Variants in NUFIP2 observed in about 807,000 individuals in gnomAD.
NUFIP2 encodes the protein nuclear FMR1 interacting protein 2, also known as FMR1-interacting protein NUFIP2.
Under a neutral mutation model 56.9 loss-of-function variants are expected in NUFIP2, and 6 were observed. That is an observed-to-expected ratio of 0.11 (90% CI 0.06 to 0.21). The LOEUF (loss-of-function observed/expected upper bound fraction) is 0.21. Ranked by LOEUF, NUFIP2 falls within the 10% of genes least tolerant of loss-of-function variation. The pLI is 1.00. For missense variants in NUFIP2, 828 were observed against 826.8 expected, an observed-to-expected ratio of 1.00 and a Z score of -0.02; for synonymous variants, 321 against 298.2, an observed-to-expected ratio of 1.08 and a Z score of -0.79.
At chr17:29,293,041 G>A (rs1306664901) in intron 1 of NUFIP2, among the ~76,000 whole-genome samples, 1 of 151,644 alleles carries the variant, frequency 6.6e-6, no homozygotes, top group Non-Finnish European at 1.5e-5. Context: ...GTCGGTGACA[G>A]GAATCGGCTT....
chr17:29,272,766 G>GA (rs2069082961), intron 2 of NUFIP2, among the ~76,000 whole-genome samples: 1 of 151,616 alleles, frequency 6.6e-6, no homozygotes, highest in South Asian at 2.1e-4. Flanking sequence ...TGTCAGTACT[G>GA]AAAAATTTTG....
intron 3 of NUFIP2, among the ~76,000 whole-genome samples, chr17:29,265,707 T>C (rs1172770036): frequency 3.8e-5 from 4 of 106,216 alleles, no homozygotes; most frequent in Non-Finnish European, 7.1e-5. Context: ...CAAGTATACA[T>C]GCTTAAAAAA....
In NUFIP2 at chr17:29,262,373, T is replaced by C. The variant is rs187530036; in HGVS notation, c.*2166A>G. 3.0e-3 allele frequency: 456 copies of C among 151,584 alleles called. 1 individual carries two copies. The highest frequency in any genetic ancestry group is 0.011 in the African/African-American group (447 of 41,084). The allele number at this position is 151,584 out of a possible 1,614,324, so 9.4% of individuals were successfully genotyped here. The stretch of plus-strand genomic sequence containing the variant: ...CCCTTTAATCAACCTTATATGTCTT[T>C]TTTTTTAACTTTTTGAAAATTTTTA... On this transcript the variant is annotated 3_prime_UTR_variant, in exon 4 of 4. Coordinates refer to ENST00000225388, the MANE Select transcript of NUFIP2 (RefSeq NM_020772.3).
chr17:29,285,973 T>C lies in NUFIP2; in HGVS notation c.2002+19A>G, dbSNP rs369419555. ...AAATTGGCCAATAAAAATCTTTGTA[T>C]AGGAAACAAATGAGTTACCTTTAGT... On this transcript the variant is annotated intron_variant, in intron 2 of 3. Coordinates refer to ENST00000225388, the MANE Select transcript of NUFIP2 (RefSeq NM_020772.3). 6 of 1,564,868 alleles carry C rather than the reference T, an allele frequency of 3.8e-6. No homozygotes were observed. The South Asian group carries it at 7.0e-5, about 18-fold the overall frequency.
rs2153010513 is a variant in NUFIP2, at chr17:29,263,303, A to C, written c.*1236T>G. The C allele has an allele frequency of 6.5e-6, 1 of 152,732 alleles. No individual in the cohort carries two copies. The allele number at this position is 152,732 out of a possible 1,614,324, so 9.5% of individuals were successfully genotyped here. A position where few individuals can be genotyped will look rare whatever the true frequency, so the allele number is the denominator to read the frequency against. On this transcript the variant is annotated 3_prime_UTR_variant, in exon 4 of 4. Transcript: ENST00000225388. ...GCTAATGCTCTTCTCTGCCCCAAAG[A>C]AAATTTCCAGAATTTCACATTATTT...
rs1323876786 is a variant in NUFIP2, at chr17:29,281,764, C to G, written c.2002+4228G>C. 2.0e-5 allele frequency among the ~76,000 whole-genome samples: 3 copies of G among 149,982 alleles called. No individual in the cohort carries two copies. In the South Asian group the frequency reaches 6.3e-4, roughly 31 times the overall value. ...TTAGAATCCACACAAATCCCGCCAC[C>G]CCCCACCCTTTTTTTTTTTAGAAGG... is the stretch of plus-strand genomic sequence containing the variant. On this transcript the variant is annotated intron_variant, in intron 2 of 3. Transcript: ENST00000225388.
chr17:29,284,123 T>C (rs1334636671), intron 2 of NUFIP2, among the ~76,000 whole-genome samples: 1 of 152,124 alleles, frequency 6.6e-6, no homozygotes, highest in African/African-American at 2.4e-5. Flanking sequence ...CACAATCTGG[T>C]ATGGTCCCCT....
At chr17:29,265,636 A>ATATAT (rs1028674517) in intron 3 of NUFIP2, among the ~76,000 whole-genome samples, 84 of 146,156 alleles carry the variant, frequency 5.7e-4, no homozygotes, top group African/African-American at 1.9e-3. Context: ...ATTTTATTAT[A>ATATAT]TATATTATAT....
chr17:29,284,569 G>C (rs536188116), intron 2 of NUFIP2, among the ~76,000 whole-genome samples: 1 of 151,782 alleles, frequency 6.6e-6, no homozygotes, highest in Non-Finnish European at 1.5e-5. Flanking sequence ...AGCCAGGCGT[G>C]GTGGTGGGCA....
intron 2 of NUFIP2, among the ~76,000 whole-genome samples, chr17:29,275,321 G>A (rs1275221511): frequency 6.6e-6 from 1 of 152,092 alleles, no homozygotes; most frequent in Non-Finnish European, 1.5e-5. Context: ...ACCATACCTG[G>A]CCTCTGAAGA....
In NUFIP2 at chr17:29,260,743, A is replaced by G. The variant is rs2068997737; in HGVS notation, c.*3796T>C. Reference sequence around the variant, plus strand: ...TGAGGTTTGTCATATTTTCCCTACAAACTGTTATTTGTAAAAACAATGCAG... The same window carrying G: ...TGAGGTTTGTCATATTTTCCCTACAGACTGTTATTTGTAAAAACAATGCAG... On this transcript the variant is annotated 3_prime_UTR_variant, in exon 4 of 4. Transcript: ENST00000225388. 6.6e-6 allele frequency: 1 copy of G among 152,226 alleles called. No individual in the cohort carries two copies. Among genetic ancestry groups the G allele is most frequent in the Non-Finnish European group, 1.5e-5 (1 of 68,038 alleles). 9.4% of individuals were successfully genotyped at this position (152,226 alleles called of 1,614,324 possible).
At chr17:29,264,899 G>T (rs989135615) in intron 3 of NUFIP2, among the ~76,000 whole-genome samples, 2 of 152,142 alleles carry the variant, frequency 1.3e-5, no homozygotes, top group African/African-American at 2.4e-5. Context: ...CAAAAGCAGT[G>T]TATTTGAATA....
chr17:29,270,718 G>A (rs780314615), intron 2 of NUFIP2, among the ~76,000 whole-genome samples: 4 of 152,120 alleles, frequency 2.6e-5, no homozygotes, highest in South Asian at 2.1e-4. Context: ...AGTGGCTCAC[G>A]CCTGTAATCC....
rs1403333845 is a variant in NUFIP2, at chr17:29,286,178, T to C, written c.1816A>G (p.Thr606Ala). 3.7e-6 allele frequency: 6 copies of C among 1,614,038 alleles called. No homozygotes were observed. The highest frequency in any genetic ancestry group is 5.1e-6 in the Non-Finnish European group (6 of 1,179,960). The change falls in exon 2 of 4, where the codon ACC becomes GCC. Residue 606 changes from threonine to alanine, a missense_variant. Coordinates refer to ENST00000225388, the MANE Select transcript of NUFIP2 (RefSeq NM_020772.3). ...AACACTAAAGCACCTTGACTACTGG[T>C]GTCTGCTTTCTGCAGGTCACCTATA... ...SHIGDLQKADTSSQGALVFLS... is the reference protein window; with the variant it reads ...SHIGDLQKADASSQGALVFLS...
intron 1 of NUFIP2, among the ~76,000 whole-genome samples, chr17:29,290,645 C>T (rs553875012): frequency 6.9e-6 from 1 of 144,000 alleles, no homozygotes; most frequent in African/African-American, 2.6e-5. Flanking sequence ...CAGAGTAAGG[C>T]TGTGTCTCAA....
At chr17:29,278,952 AC>A (rs1422458444) in intron 2 of NUFIP2, among the ~76,000 whole-genome samples, 3 of 152,206 alleles carry the variant, frequency 2.0e-5, no homozygotes, top group Non-Finnish European at 4.4e-5. Context: ...TATATTCATT[AC>A]TATATGTCCC....
intron 2 of NUFIP2, among the ~76,000 whole-genome samples, 155 bp from the exon 3 acceptor site, chr17:29,267,685 T>G (rs1323821819): frequency 1.3e-5 from 2 of 152,156 alleles, no homozygotes; most frequent in African/African-American, 4.8e-5. Flanking sequence ...GATAAAGCAT[T>G]CATATTTTCC....
rs1430629065 is a variant in NUFIP2, at chr17:29,265,549, G to A, written c.2036-958C>T. ...GATCTCCTGACCTCGTGATCCGCCC[G>A]CCTCGGCCTCCCAAAGTGCTGGGAT... On this transcript the variant is annotated intron_variant, in intron 3 of 3. Transcript: ENST00000225388. 6.2e-4 allele frequency among the ~76,000 whole-genome samples: 92 copies of A among 148,056 alleles called. No homozygotes were observed. In the Middle Eastern group the frequency reaches 0.011, roughly 17 times the overall value.
rs558785750 is a variant in NUFIP2, at chr17:29,288,267, G to A, written c.278-551C>T. On this transcript the variant is annotated intron_variant, in intron 1 of 3. Transcript: ENST00000225388. The stretch of plus-strand genomic sequence containing the variant: ...TCACCATGTTAGCCAGGATGGTCTC[G>A]ATCTCCTGACCTTGTGATCCGCCCG... 7.9e-5 allele frequency among the ~76,000 whole-genome samples: 12 copies of A among 152,318 alleles called. No individual in the cohort carries two copies. In the South Asian group the frequency reaches 1.7e-3, roughly 21 times the overall value.
Sources: gnomAD v4.1 joint callset for allele counts (sites outside exome capture counted in the v4.1 genomes callset) on GRCh38, gnomAD v4.1.1 for gene constraint, MANE v1.5 for transcripts, NCBI Gene and HGNC (gene_info 2026-07-23, HGNC 2026-07-21) for gene names.